COG4: variants seen among roughly 807,000 people sequenced by gnomAD.
The protein encoded by COG4 is component of oligomeric golgi complex 4.
In COG4, 65 loss-of-function variants were observed where a neutral mutation model predicts 95.1. The observed-to-expected ratio is 0.68, with a 90% CI of 0.56 to 0.84. The LOEUF (loss-of-function observed/expected upper bound fraction) is 0.84. Among genes scored for constraint, COG4 ranks in the 40% least tolerant of loss-of-function variants. The pLI is 0.00. For missense variants in COG4, 1,045 were observed against 989.1 expected (o/e 1.06, Z -0.76); for synonymous variants, 421 against 374.8 (o/e 1.12, Z -1.42).
chr16:70,513,037 A>G (rs1368665186), intron 4 of COG4, among the ~76,000 whole-genome samples: 1 of 152,256 alleles, frequency 6.6e-6, no homozygotes, highest in Non-Finnish European at 1.5e-5. Context: ...AAGGCTTCCT[A>G]GAGAAGGTGA....
At chr16:70,487,974 A>C (rs1179379752) in intron 13 of COG4, among the ~76,000 whole-genome samples, 2 of 151,674 alleles carry the variant, frequency 1.3e-5, no homozygotes, top group African/African-American at 2.4e-5. Flanking sequence ...ACAGGTGTGC[A>C]CCACCACAAC....
rs756050981 is a variant in COG4 at position 70,519,686 on chromosome 16, T to G, written c.217A>C (p.Thr73Pro). 66 of 1,613,886 alleles carry G rather than the reference T, an allele frequency of 4.1e-5. No homozygotes were observed. Among genetic ancestry groups the G allele is most frequent in the East Asian group, 6.7e-5 (3 of 44,888 alleles). The change falls in exon 2 of 19, where the codon ACC becomes CCC. Residue 73 changes from threonine (T) to proline (P), a missense_variant. Transcript: ENST00000323786. Reference sequence around the variant, plus strand: ...AGAGTGACCATCTTACTTTCAATGGTGTTTTGCTGTTCCAAAAGAGCATCC... The same window carrying G: ...AGAGTGACCATCTTACTTTCAATGGGGTTTTGCTGTTCCAAAAGAGCATCC... ...ELDALLEQQN[T>P]IESKMVTLHR... is the part of the protein sequence containing the mutation.
chr16:70,512,288 C>T lies in COG4; in HGVS notation c.689G>A (p.Gly230Asp). The T allele has an allele frequency of 6.2e-7, 1 of 1,614,176 alleles. No homozygotes were observed. The highest frequency in any genetic ancestry group is 1.1e-5 in the South Asian group (1 of 91,084). ...CTTTCTTAATCCCTCCTCATGCAAA[C>T]CCAGCAGTGGGAAGATCTTGAAGAA... ...ERFFKIFPLL[G>D]LHEEGLRKFS... The change falls in exon 5 of 19, where the codon GGT becomes GAT. Residue 230 changes from glycine to aspartate, a missense_variant. Gly to Asp is a moderately conservative substitution (Grantham distance 94, BLOSUM62 -1). Transcript: ENST00000323786.
chr16:70,505,821 T>A (rs2049553703), intron 8 of COG4, among the ~76,000 whole-genome samples: 1 of 151,678 alleles, frequency 6.6e-6, no homozygotes, highest in Non-Finnish European at 1.5e-5. Flanking sequence ...AGAGTGAGAC[T>A]CTGTCTCAAA....
At chr16:70,499,935 C>T (rs746909775) in intron 9 of COG4, among the ~76,000 whole-genome samples, 2 of 152,114 alleles carry the variant, frequency 1.3e-5, no homozygotes, top group Non-Finnish European at 1.5e-5. Context: ...GCTGGGATTA[C>T]AGGCGTGAGC....
chr16:70,517,638 A>G lies in COG4; in HGVS notation c.357T>C (p.Leu119=), dbSNP rs1203938356. Residue 119 remains leucine, a synonymous_variant, in exon 3 of 19, where the codon CTT becomes CTC. Coordinates refer to ENST00000323786, the MANE Select transcript of COG4 (RefSeq NM_015386.3). ...AENVSSKVRQ[L]DLAKNRLYQA... is the part of the protein sequence containing the mutation. ...CTTGATGTATTACCTTGGCCAGGTCAAGCTGACGAACTTTGCTGGACACAT... is the reference window on the plus strand; with the variant it reads ...CTTGATGTATTACCTTGGCCAGGTCGAGCTGACGAACTTTGCTGGACACAT... 4.4e-6 allele frequency: 7 copies of G among 1,593,030 alleles called. No individual in the cohort carries two copies. The Admixed American group carries it at 1.2e-4, about 27-fold the overall frequency.
chr16:70,490,685 TG>T (rs2049226082), intron 12 of COG4, among the ~76,000 whole-genome samples: 2 of 151,982 alleles, frequency 1.3e-5, no homozygotes, highest in Non-Finnish European at 2.9e-5. Flanking sequence ...TTTTTTTGTT[TG>T]TTTTTTTGTT....
intron 8 of COG4, among the ~76,000 whole-genome samples, chr16:70,504,204 C>A (rs1359752613): frequency 6.6e-6 from 1 of 152,308 alleles, no homozygotes; most frequent in East Asian, 1.9e-4. Flanking sequence ...CCAGCTCCCC[C>A]ATTCCCCTAC....
At chr16:70,519,824 T>C in intron 1 of COG4, 93 bp from the exon 2 acceptor site, 1 of 938,616 alleles carries the variant, frequency 1.1e-6, no homozygotes, top group Middle Eastern at 2.1e-4. Flanking sequence ...GTGAATCTCA[T>C]TTCCAAGTCC....
At chr16:70,521,423 C>A (rs1363480946) in intron 1 of COG4, among the ~76,000 whole-genome samples, 1 of 151,954 alleles carries the variant, frequency 6.6e-6, no homozygotes, top group East Asian at 1.9e-4. Context: ...GGTTTCGCCA[C>A]GTTGGCCAGG....
intron 16 of COG4, 34 bp downstream of exon 16, chr16:70,482,058 A>G: frequency 6.4e-7 from 1 of 1,567,252 alleles, no homozygotes; most frequent in Non-Finnish European, 8.8e-7. Context: ...GACGTGGGTA[A>G]TTCCCTAAGT....
intron 11 of COG4, 76 bp from the exon 12 acceptor site, chr16:70,496,507 CTCTGA>C (rs1272932311): frequency 6.9e-7 from 1 of 1,449,856 alleles, no homozygotes; most frequent in African/African-American, 1.4e-5. Flanking sequence ...GTCTTCACCA[CTCTGA>C]CCCAGCAGCA....
intron 1 of COG4, chr16:70,523,076 C>T (rs573502972): frequency 4.5e-6 from 2 of 448,110 alleles, no homozygotes; most frequent in Admixed American, 7.4e-5. Flanking sequence ...GGCAAATACT[C>T]TCAGACTAAC....
At chr16:70,508,333 G>T in intron 8 of COG4, 73 bp downstream of exon 8, 1 of 1,212,578 alleles carries the variant, frequency 8.2e-7, no homozygotes, top group South Asian at 1.2e-5. Context: ...CATTGTAACA[G>T]AGTAGTCTGA....
chr16:70,514,839 A>G (rs1013263450), intron 3 of COG4, among the ~76,000 whole-genome samples: 14 of 151,358 alleles, frequency 9.2e-5, no homozygotes, highest in African/African-American at 3.2e-4. Flanking sequence ...CAGCCTCCCA[A>G]CTAGCTGGGA....
At chr16:70,484,379 A>C (rs1386091424) in intron 13 of COG4, among the ~76,000 whole-genome samples, 1 of 152,208 alleles carries the variant, frequency 6.6e-6, no homozygotes, top group Non-Finnish European at 1.5e-5. Context: ...GCCTAGCTCA[A>C]TGCCTGGCAC....
chr16:70,487,269 C>T (rs113207688), intron 13 of COG4, among the ~76,000 whole-genome samples: 2 of 147,642 alleles, frequency 1.4e-5, no homozygotes, highest in African/African-American at 2.5e-5. Flanking sequence ...GAGTGAGAAT[C>T]GGTCTCAAAA....
At chr16:70,491,520 C>CAAA (rs72213284) in intron 12 of COG4, among the ~76,000 whole-genome samples, 6,248 of 54,296 alleles carry the variant, frequency 0.12, 1,278 homozygotes, top group African/African-American at 0.39. Context: ...GACTCTGTCT[C>CAAA]AAAAAAAAAA....
intron 2 of COG4, 118 bp from the exon 3 acceptor site, chr16:70,517,858 C>T (rs2049856906): frequency 1.5e-5 from 11 of 718,650 alleles, no homozygotes; most frequent in South Asian, 1.3e-4. Flanking sequence ...TAACTCTTAG[C>T]TCAGTTTGCT....
Sources: allele counts gnomAD v4.1 joint callset (sites outside exome capture counted in the v4.1 genomes callset), GRCh38; gene constraint gnomAD v4.1.1; transcripts MANE v1.5; gene names NCBI Gene and HGNC (gene_info 2026-07-23, HGNC 2026-07-21).